HSPG2: variants seen among roughly 807,000 people sequenced by gnomAD.
HSPG2 encodes the protein heparan sulfate proteoglycan 2.
Under a neutral mutation model 526.6 loss-of-function variants are expected in HSPG2, and 278 were observed. The ratio of observed to expected loss-of-function variants is 0.53; its 90% CI spans 0.48 to 0.58. The LOEUF (loss-of-function observed/expected upper bound fraction) is 0.58. HSPG2 is among the 20% of genes least tolerant of loss of function. HSPG2 has a pLI of 0.00. For missense variants in HSPG2, 5,354 were observed against 6,099.5 expected (o/e 0.88, Z 4.07); for synonymous variants, 2,465 against 2,555.4 (o/e 0.96, Z 1.07).
chr1:21,890,230 C>T lies in HSPG2; in HGVS notation c.414-89G>A. ...GAGGCTCCCGCCCCGACGCTCAGGC[C>T]CTGTTCCGGGACAGCCTGTACCCAA... On this transcript the variant is annotated intron_variant, in intron 5 of 96. Coordinates refer to ENST00000374695, the MANE Select transcript of HSPG2 (RefSeq NM_005529.7). The surrounding 1 kb of genome is among the most constrained non-coding windows in gnomAD (Gnocchi z 4.1). 1 of 1,523,020 alleles carries T rather than the reference C, an allele frequency of 6.6e-7. No individual in the cohort carries two copies. Among genetic ancestry groups the T allele is most frequent in the Non-Finnish European group, 9.1e-7 (1 of 1,101,320 alleles). 94.3% of individuals were successfully genotyped at this position (1,523,020 alleles called of 1,614,324 possible). A position where few individuals can be genotyped will look rare whatever the true frequency, so the allele number is the denominator to read the frequency against.
In HSPG2 at chr1:21,857,370, G is replaced by C. The variant is rs1557730649; in HGVS notation, c.5309C>G (p.Pro1770Arg). 1 of 1,613,842 alleles carries C rather than the reference G, an allele frequency of 6.2e-7. No homozygotes were observed. The change falls in exon 43 of 97, where the codon CCC becomes CGC. Residue 1770 changes from proline to arginine, a missense_variant. Pro to Arg is a moderately radical substitution (Grantham distance 103, BLOSUM62 -2). Coordinates refer to ENST00000374695, the MANE Select transcript of HSPG2 (RefSeq NM_005529.7). ...ELLVTEAPSK[P>R]ITVTVEEQRS... Reference sequence around the variant, plus strand: ...CTGCTCCTCCACAGTCACTGTGATGGGCTTGCTTGGAGCCTCTGCAGGGAC... The same window carrying C: ...CTGCTCCTCCACAGTCACTGTGATGCGCTTGCTTGGAGCCTCTGCAGGGAC...
chr1:21,884,902 C>T lies in HSPG2; in HGVS notation c.1372G>A (p.Glu458Lys), dbSNP rs531029732. 80 of 1,614,024 alleles carry T rather than the reference C, an allele frequency of 5.0e-5. No individual in the cohort carries two copies. The East Asian group carries it at 6.9e-4, about 14-fold the overall frequency. ...ATGATCAGTGTGCCACGGCCACCCT[C>T]GCTGGTCACTGTCACCCTGGTGAGC... ...PSHPRVTVTS[E>K]GGRGTLIIRD... Residue 458 changes from glutamate (E) to lysine (K), a missense_variant, in exon 12 of 97, where the codon GAG (glutamate) becomes AAG (lysine). Transcript: ENST00000374695.
At chr1:21,882,374 G>A (rs924490366) in intron 13 of HSPG2, among the ~76,000 whole-genome samples, 2 of 150,478 alleles carry the variant, frequency 1.3e-5, no homozygotes, top group Non-Finnish European at 2.9e-5. Context: ...GTTATGATGG[G>A]TCGTCTAGTC....
In HSPG2 at chr1:21,851,665, G is replaced by T. The variant is rs1343287214; in HGVS notation, c.7039C>A (p.Pro2347Thr). The change falls in exon 55 of 97, where the codon CCC becomes ACC. Residue 2347 changes from proline to threonine, a missense_variant. Pro to Thr is a conservative substitution (Grantham distance 38, BLOSUM62 -1). Coordinates refer to ENST00000374695, the MANE Select transcript of HSPG2 (RefSeq NM_005529.7). ...AGSTQPIRIE[P>T]SSSQVAEGQT... Reference sequence around the variant, plus strand: ...CCTTCCGCCACTTGCGAGGAGGAGGGCTCGATGCGGATGGGCTGGGTGCTG... The same window carrying T: ...CCTTCCGCCACTTGCGAGGAGGAGGTCTCGATGCGGATGGGCTGGGTGCTG... The T allele has an allele frequency of 6.2e-7, 1 of 1,613,944 alleles. No homozygotes were observed. The highest frequency in any genetic ancestry group is 1.7e-5 in the Admixed American group (1 of 60,022).
At chr1:21,825,759 A>G (rs1399743424) in intron 91 of HSPG2, among the ~76,000 whole-genome samples, 4 of 152,108 alleles carry the variant, frequency 2.6e-5, no homozygotes, top group Non-Finnish European at 5.9e-5. Flanking sequence ...AACCCTATGA[A>G]TGAATATTAT....
chr1:21,876,443 C>T (rs1271302287), intron 22 of HSPG2, 38 bp from the exon 23 acceptor site: 2 of 1,611,624 alleles, frequency 1.2e-6, no homozygotes, highest in South Asian at 1.1e-5. Context: ...GGGGCCGTGG[C>T]CTGGGACTGG....
Position 21,887,215 on chromosome 1 carries a change from G to A in HSPG2, c.1078C>T (p.Pro360Ser), listed in dbSNP as rs370772335. ...CEDRTDEANC[P>S]TKRPEEVCGP... is the part of the protein sequence containing the mutation. ...CTCAGCTGGACCCTCGGATACTCAC[G>A]GCAGTTGGCTTCATCAGTTCGGTCC... Residue 360 changes from proline (P) to serine (S), a missense_variant and splice_region_variant, in exon 9 of 97, where the codon CCC becomes TCC. Pro to Ser is a moderately conservative substitution (Grantham distance 74, BLOSUM62 -1). Transcript: ENST00000374695. This position sits in a 1 kb window ranked among gnomAD's most constrained non-coding sequence, Gnocchi z 5.0. 6.2e-6 allele frequency: 10 copies of A among 1,613,806 alleles called. No individual in the cohort carries two copies. Among genetic ancestry groups the A allele is most frequent in the East Asian group, 2.2e-5 (1 of 44,870 alleles).
At position 21,895,846 on chromosome 1, in the gene HSPG2, C is replaced by A; in HGVS notation, c.244+76G>T. The A allele has an allele frequency of 1.4e-6, 2 of 1,416,800 alleles. No individual in the cohort carries two copies. Among genetic ancestry groups the A allele is most frequent in the South Asian group, 1.2e-5 (1 of 86,674 alleles). The allele number at this position is 1,416,800 out of a possible 1,614,324, so 87.8% of individuals were successfully genotyped here. On this transcript the variant is annotated intron_variant, in intron 3 of 96. Transcript: ENST00000374695. This position sits in a 1 kb window ranked among gnomAD's most constrained non-coding sequence, Gnocchi z 4.1. Reference sequence around the variant, plus strand: ...TACCCCAGGGCAGGCCCAAGGAGCCCTCAGCCCAGGAGACTGGCTCTGGGG... The same window carrying A: ...TACCCCAGGGCAGGCCCAAGGAGCCATCAGCCCAGGAGACTGGCTCTGGGG...
chr1:21,885,566 A>G, intron 9 of HSPG2, 115 bp from the exon 10 acceptor site: 1 of 1,215,778 alleles, frequency 8.2e-7, no homozygotes. Flanking sequence ...CGCCATGCCT[A>G]GCCCCTGCTG....
intron 39 of HSPG2, among the ~76,000 whole-genome samples, chr1:21,860,977 G>C (rs11578819): frequency 0.38 from 57,514 of 152,162 alleles, 12,925 homozygotes; most frequent in Middle Eastern, 0.61. Flanking sequence ...CACTGGCCCA[G>C]CCTGGAGAGC....
rs758121351 is a variant in HSPG2, at chr1:21,881,473, C to G, written c.1684G>C (p.Gly562Arg). The G allele has an allele frequency of 1.2e-6, 2 of 1,612,728 alleles. No individual in the cohort carries two copies. The highest frequency in any genetic ancestry group is 1.1e-5 in the South Asian group (1 of 91,008). Reference protein sequence around the residue: ...GVNVTMPAQPGTPPLSSTQLQ... With the variant: ...GVNVTMPAQPRTPPLSSTQLQ... ...TGCGTGGAGGAGAGGGGTGGCGTGCCGGGCTGCGCAGGCATTGTCACATTC... is the reference window on the plus strand; with the variant it reads ...TGCGTGGAGGAGAGGGGTGGCGTGCGGGGCTGCGCAGGCATTGTCACATTC... Residue 562 changes from glycine (G) to arginine (R), a missense_variant, in exon 14 of 97, where the codon GGC becomes CGC. Gly to Arg is a moderately radical substitution (Grantham distance 125). Transcript: ENST00000374695.
At chr1:21,881,238 C>CA in intron 14 of HSPG2, 101 bp downstream of exon 14, 1 of 1,395,242 alleles carries the variant, frequency 7.2e-7, no homozygotes, top group Non-Finnish European at 1.0e-6. Flanking sequence ...GGCATGGTAA[C>CA]ACCTTTCCCT....
chr1:21,917,268 A>G (rs184374714), intron 1 of HSPG2, among the ~76,000 whole-genome samples: 2 of 151,732 alleles, frequency 1.3e-5, no homozygotes, highest in Admixed American at 1.3e-4. Flanking sequence ...CCCCGTCTCT[A>G]TGAAAAATAC....
chr1:21,922,433 A>T (rs527277423), intron 1 of HSPG2, among the ~76,000 whole-genome samples: 1 of 152,346 alleles, frequency 6.6e-6, no homozygotes, highest in Non-Finnish European at 1.5e-5. Context: ...TCAGCTCCTT[A>T]GCCAGGGTCC....
rs770500215 is a variant in HSPG2, at chr1:21,847,534, G to C, written c.8026-42C>G. 3 of 1,612,694 alleles carry C rather than the reference G, an allele frequency of 1.9e-6. No homozygotes were observed. The South Asian group carries it at 3.3e-5, about 18-fold the overall frequency. On this transcript the variant is annotated intron_variant, in intron 61 of 96. Coordinates refer to ENST00000374695, the MANE Select transcript of HSPG2 (RefSeq NM_005529.7). This position sits in a 1 kb window ranked among gnomAD's most constrained non-coding sequence, Gnocchi z 4.1. Reference sequence around the variant, plus strand: ...GGAAGGAGAGGGAGAGGGAGTGGAGGGACGCTGGGGTCACCAGCTGGCTCA... The same window carrying C: ...GGAAGGAGAGGGAGAGGGAGTGGAGCGACGCTGGGGTCACCAGCTGGCTCA...
chr1:21,915,748 C>A (rs1643872544), intron 1 of HSPG2, among the ~76,000 whole-genome samples: 1 of 152,176 alleles, frequency 6.6e-6, no homozygotes, highest in South Asian at 2.1e-4. Context: ...AGGCTAGTAC[C>A]ATCAAGAAAC....
rs753125091 is a variant in HSPG2 at position 21,875,005 on chromosome 1, G to A, written c.3303-3C>T. 6.3e-7 allele frequency: 1 copy of A among 1,589,552 alleles called. No individual in the cohort carries two copies. The highest frequency in any genetic ancestry group is 1.8e-5 in the Admixed American group (1 of 56,744). On this transcript the variant is annotated splice_region_variant and splice_polypyrimidine_tract_variant and intron_variant, in intron 25 of 96. Coordinates refer to ENST00000374695, the MANE Select transcript of HSPG2 (RefSeq NM_005529.7). ...CGTCCATGCTGATGCCAGAGACCCT[G>A]GGCGTGACAAGACCCAGCGTGAATA...
chr1:21,906,992 G>A (rs1220647540), intron 1 of HSPG2, among the ~76,000 whole-genome samples: 1 of 152,134 alleles, frequency 6.6e-6, no homozygotes. Flanking sequence ...GCGGGCTGGC[G>A]GCCGGCTAGC....
At chr1:21,927,704 C>T (rs903515188) in intron 1 of HSPG2, among the ~76,000 whole-genome samples, 3 of 152,202 alleles carry the variant, frequency 2.0e-5, no homozygotes, top group African/African-American at 7.2e-5. Context: ...GGTGTGCCCC[C>T]CTCCTTCTCC....
Sources: allele counts gnomAD v4.1 joint callset (sites outside exome capture counted in the v4.1 genomes callset), GRCh38; gene constraint gnomAD v4.1.1; non-coding constraint Gnocchi (gnomAD v3.1); transcripts MANE v1.5; gene names NCBI Gene and HGNC (gene_info 2026-07-23, HGNC 2026-07-21).